ASIC2: variants seen among roughly 807,000 people sequenced by gnomAD.
ASIC2 encodes acid sensing ion channel subunit 2.
Under a neutral mutation model 57.3 loss-of-function variants are expected in ASIC2, and 25 were observed. That is an observed-to-expected ratio of 0.44 (90% CI 0.32 to 0.61). The LOEUF (loss-of-function observed/expected upper bound fraction) is 0.61, where lower values mean the gene tolerates loss of function less well. Among genes scored for constraint, ASIC2 ranks in the 20% least tolerant of loss-of-function variants. ASIC2 has a pLI of 0.06. For missense variants in ASIC2, 641 were observed against 738.1 expected (o/e 0.87, Z 1.52); for synonymous variants, 319 against 307.5 (o/e 1.04, Z -0.39).
chr17:33,119,427 A>G (rs1357877007), intron 1 of ASIC2, among the ~76,000 whole-genome samples: 1 of 152,238 alleles, frequency 6.6e-6, no homozygotes, highest in Non-Finnish European at 1.5e-5. Context: ...AACTCCTCAA[A>G]TACATTTCAC....
At chr17:33,802,079 G>A (rs1453475896) in intron 1 of ASIC2, among the ~76,000 whole-genome samples, 1 of 152,348 alleles carries the variant, frequency 6.6e-6, no homozygotes, top group African/African-American at 2.4e-5. Context: ...GACGTATATA[G>A]TCATGCACTG....
intron 1 of ASIC2, among the ~76,000 whole-genome samples, chr17:33,841,436 C>G (rs974509649): frequency 3.3e-5 from 5 of 152,212 alleles, no homozygotes; most frequent in African/African-American, 1.2e-4. Flanking sequence ...TATTAGCCAC[C>G]TGAGGCAAGG....
At chr17:33,255,140 A>G (rs906010162) in intron 1 of ASIC2, among the ~76,000 whole-genome samples, 7 of 148,108 alleles carry the variant, frequency 4.7e-5, no homozygotes, top group Non-Finnish European at 8.9e-5. Flanking sequence ...CTTGGATTCA[A>G]GCGATTCTCC....
chr17:33,335,600 G>A (rs1907482852), intron 1 of ASIC2, among the ~76,000 whole-genome samples: 1 of 152,134 alleles, frequency 6.6e-6, no homozygotes, highest in African/African-American at 2.4e-5. Flanking sequence ...ATATGCGTGG[G>A]GACTTACAGG....
chr17:33,963,267 G>A (rs138186191), intron 1 of ASIC2, among the ~76,000 whole-genome samples: 1 of 152,246 alleles, frequency 6.6e-6, no homozygotes, highest in African/African-American at 2.4e-5. Flanking sequence ...TCTCTACGTT[G>A]CATCGCTGTT....
At chr17:33,938,709 C>A (rs1205391521) in intron 1 of ASIC2, among the ~76,000 whole-genome samples, 1 of 152,150 alleles carries the variant, frequency 6.6e-6, no homozygotes, top group African/African-American at 2.4e-5. Context: ...CTGGGAAGTG[C>A]CCAGCCTAGG....
chr17:33,446,930 A>T (rs1482602390), intron 1 of ASIC2, among the ~76,000 whole-genome samples: 4 of 152,218 alleles, frequency 2.6e-5, no homozygotes, highest in Non-Finnish European at 5.9e-5. Flanking sequence ...TCTGCCTAAG[A>T]TATCATTTGG....
chr17:33,293,056 G>A lies in ASIC2; in HGVS notation c.-941C>T, dbSNP rs1001090174. The A allele has an allele frequency of 3.0e-6, 3 of 985,184 alleles. No homozygotes were observed. In the African/African-American group the frequency reaches 5.2e-5, roughly 17 times the overall value. The allele number at this position is 985,184 out of a possible 1,614,324, so 61.0% of individuals were successfully genotyped here. Reference sequence around the variant, plus strand: ...CTTCTCTCTGCCCCCGCGGCGACAAGAGCTGGGGACTGCGGGGACCCGCCA... The same window carrying A: ...CTTCTCTCTGCCCCCGCGGCGACAAAAGCTGGGGACTGCGGGGACCCGCCA... On this transcript the variant is annotated 5_prime_UTR_variant, in exon 1 of 10. Coordinates refer to ENST00000225823, the MANE Select transcript of ASIC2 (RefSeq NM_183377.2).
intron 1 of ASIC2, among the ~76,000 whole-genome samples, chr17:33,913,483 G>T (rs992573181): frequency 7.2e-5 from 11 of 152,050 alleles, no homozygotes; most frequent in East Asian, 3.8e-4. Context: ...GGCATCAAAA[G>T]TTGCAAAGAC....
At chr17:33,720,223 A>ATTGTTAATG (rs1191554807) in intron 1 of ASIC2, among the ~76,000 whole-genome samples, 3 of 152,186 alleles carry the variant, frequency 2.0e-5, no homozygotes, top group African/African-American at 7.2e-5. Context: ...CCTGGTTTGT[A>ATTGTTAATG]TTGTTAATGT....
At chr17:33,749,592 C>G (rs1214508650) in intron 1 of ASIC2, among the ~76,000 whole-genome samples, 1 of 152,116 alleles carries the variant, frequency 6.6e-6, no homozygotes, top group African/African-American at 2.4e-5. Flanking sequence ...GGACCGCCCT[C>G]TCCATGGCTC....
chr17:34,046,426 T>C (rs1016010549), intron 1 of ASIC2, among the ~76,000 whole-genome samples: 17 of 152,198 alleles, frequency 1.1e-4, no homozygotes, highest in African/African-American at 3.9e-4. Context: ...AAATTGATCA[T>C]TGAAAATTTA....
At chr17:33,997,114 T>C (rs1906184764) in intron 1 of ASIC2, among the ~76,000 whole-genome samples, 1 of 151,946 alleles carries the variant, frequency 6.6e-6, no homozygotes, top group Non-Finnish European at 1.5e-5. Context: ...TTGTAAATGG[T>C]ATTGTTTCCT....
intron 1 of ASIC2, among the ~76,000 whole-genome samples, chr17:34,007,937 C>T (rs1293408917): frequency 6.6e-6 from 1 of 152,166 alleles, no homozygotes; most frequent in African/African-American, 2.4e-5. Context: ...TCCCCCACCC[C>T]CTCCAACACA....
chr17:33,602,280 A>C (rs761874364), intron 1 of ASIC2, among the ~76,000 whole-genome samples: 3 of 152,230 alleles, frequency 2.0e-5, no homozygotes, highest in Non-Finnish European at 4.4e-5. Flanking sequence ...CCTGTGCTGG[A>C]AACTTAATCC....
At chr17:33,288,389 G>A (rs1905279659) in intron 1 of ASIC2, among the ~76,000 whole-genome samples, 1 of 152,146 alleles carries the variant, frequency 6.6e-6, no homozygotes. Context: ...GGCTTGAGGA[G>A]CAGGGATTCA....
chr17:33,714,896 T>C (rs1162827450), intron 1 of ASIC2, among the ~76,000 whole-genome samples: 1 of 151,096 alleles, frequency 6.6e-6, no homozygotes, highest in Admixed American at 6.6e-5. Flanking sequence ...TTCACTGCTG[T>C]AGCCTTGAAT....
intron 2 of ASIC2, among the ~76,000 whole-genome samples, chr17:33,099,466 T>C (rs1314367818): frequency 6.6e-6 from 1 of 152,210 alleles, no homozygotes; most frequent in Non-Finnish European, 1.5e-5. Context: ...AGGAGATAGT[T>C]AATGTTAGGT....
intron 1 of ASIC2, among the ~76,000 whole-genome samples, chr17:33,197,607 TCCTCCCAA>T (rs984861559): frequency 2.6e-5 from 4 of 152,212 alleles, no homozygotes; most frequent in Non-Finnish European, 2.9e-5. Flanking sequence ...ATGCACCCTC[TCCTCCCAA>T]GGGGTTGCAG....
Sources: allele counts gnomAD v4.1 joint callset (sites outside exome capture counted in the v4.1 genomes callset), GRCh38; gene constraint gnomAD v4.1.1; transcripts MANE v1.5; gene names NCBI Gene and HGNC (gene_info 2026-07-23, HGNC 2026-07-21).